Variants in ARMC2 observed in about 807,000 individuals in gnomAD.
The protein encoded by ARMC2 is armadillo repeat-containing protein 2.
A neutral mutation model predicts 90.3 loss-of-function variants in ARMC2; 67 were observed. The ratio of observed to expected loss-of-function variants is 0.74; its 90% CI spans 0.61 to 0.91. ARMC2 has a LOEUF of 0.91. Among genes scored for constraint, ARMC2 ranks in the 40% least tolerant of loss-of-function variants. ARMC2 has a pLI of 0.00. For synonymous variants in ARMC2, 393 were observed against 393.0 expected, an observed-to-expected ratio of 1.00 and a Z score of 0.00; for missense variants, 920 against 1,030.9, an observed-to-expected ratio of 0.89 and a Z score of 1.47.
the ARMC2 span, among the ~76,000 whole-genome samples, chr6:108,994,097 G>A: frequency 2.5e-4 from 35 of 138,466 alleles, no homozygotes; most frequent in Middle Eastern, 4.5e-3. Flanking sequence ...CTACAATCAC[G>A]CCACTGCACT....
At chr6:109,001,325 G>A in the ARMC2 span, 1 of 1,613,724 alleles carries the variant, frequency 6.2e-7, no homozygotes, top group Non-Finnish European at 8.5e-7. Context: ...TAGGGGTAAC[G>A]GCCCATCCAT....
chr6:108,913,765 A>G (rs1331948141), intron 10 of ARMC2, among the ~76,000 whole-genome samples: 2 of 152,126 alleles, frequency 1.3e-5, no homozygotes, highest in Non-Finnish European at 1.5e-5. Flanking sequence ...TTTGTTTGCT[A>G]TCATTCTCTT....
chr6:108,874,552 G>T (rs1403946507), intron 4 of ARMC2, among the ~76,000 whole-genome samples: 2 of 152,178 alleles, frequency 1.3e-5, no homozygotes, highest in East Asian at 1.9e-4. Flanking sequence ...GGATTCTTGG[G>T]TTCCAATAAT....
the ARMC2 span, among the ~76,000 whole-genome samples, chr6:109,040,491 T>C: frequency 6.6e-6 from 1 of 152,262 alleles, no homozygotes; most frequent in African/African-American, 2.4e-5. Flanking sequence ...TCTCATTCCT[T>C]GTGTACATAC....
intron 3 of ARMC2, 68 bp from the exon 4 acceptor site, chr6:108,868,756 A>G (rs1307353694): frequency 2.0e-6 from 3 of 1,477,810 alleles, no homozygotes; most frequent in Admixed American, 2.0e-5. Context: ...GGTTGTGGCC[A>G]GCTCTGAGGT....
At chr6:108,856,845 C>G (rs1440889062) in intron 2 of ARMC2, 1 of 152,212 alleles carries the variant, frequency 6.6e-6, no homozygotes, top group Non-Finnish European at 1.5e-5. Context: ...CATTGTATTG[C>G]CTTTGCTCCT....
At chr6:109,021,442 C>G in the ARMC2 span, among the ~76,000 whole-genome samples, 1 of 152,024 alleles carries the variant, frequency 6.6e-6, no homozygotes, top group Non-Finnish European at 1.5e-5. Context: ...ATTTATCAGT[C>G]ATATCTTGCC....
intron 13 of ARMC2, among the ~76,000 whole-genome samples, chr6:108,955,622 T>C (rs988747336): frequency 1.3e-5 from 2 of 152,206 alleles, no homozygotes; most frequent in African/African-American, 4.8e-5. Flanking sequence ...GATTGGGATC[T>C]GCACCATGAC....
chr6:108,932,775 G>A (rs751008235), intron 11 of ARMC2, among the ~76,000 whole-genome samples: 31 of 151,912 alleles, frequency 2.0e-4, no homozygotes, highest in Admixed American at 1.5e-3. Context: ...TGATCTGCCC[G>A]CCTCGGCCTC....
chr6:108,946,729 T>TA (rs1252986581), intron 12 of ARMC2, among the ~76,000 whole-genome samples: 1 of 152,236 alleles, frequency 6.6e-6, no homozygotes, highest in Admixed American at 6.5e-5. Context: ...AACCCATTCT[T>TA]ACAAATTTTT....
chr6:108,942,211 A>G (rs968344191), intron 12 of ARMC2, among the ~76,000 whole-genome samples: 4 of 152,220 alleles, frequency 2.6e-5, no homozygotes, highest in African/African-American at 9.6e-5. Flanking sequence ...GAGTGTGTGA[A>G]ATGCTTTGGC....
chr6:108,973,336 A>AT (rs775138881), intron 17 of ARMC2, 21 bp from the exon 18 acceptor site: 2 of 1,590,642 alleles, frequency 1.3e-6, no homozygotes, highest in Admixed American at 1.8e-5. Context: ...TAATGCTGTA[A>AT]TTTAAATTTT....
the ARMC2 span, among the ~76,000 whole-genome samples, chr6:108,995,217 A>G: frequency 6.6e-6 from 1 of 152,214 alleles, no homozygotes; most frequent in Non-Finnish European, 1.5e-5. Context: ...CTACTTGTCA[A>G]TTTAAAGCAG....
the ARMC2 span, among the ~76,000 whole-genome samples, chr6:109,014,280 T>C: frequency 2.0e-5 from 3 of 152,202 alleles, no homozygotes; most frequent in African/African-American, 7.2e-5. Flanking sequence ...AGGCTGATAA[T>C]AATAAGACCA....
At chr6:108,907,583 G>GT (rs1772904843) in intron 8 of ARMC2, 3 of 1,527,770 alleles carry the variant, frequency 2.0e-6, no homozygotes, top group Non-Finnish European at 2.7e-6. Context: ...AGGTCGTGGG[G>GT]TGGGGGGGTG....
chr6:108,876,357 ATTC>A lies in ARMC2; in HGVS notation c.671+10_671+12del. On this transcript the variant is annotated splice_region_variant and intron_variant, in intron 5 of 17. Transcript: ENST00000392644. ...CTCATCTCAAGAATGGAGGGTCAGT[ATTC>A]TTTTTATTTAATTTTCTGGTCAGGA... 1 of 1,604,222 alleles carries A rather than the reference ATTC, an allele frequency of 6.2e-7. No individual in the cohort carries two copies. The highest frequency in any genetic ancestry group is 8.5e-7 in the Non-Finnish European group (1 of 1,174,554).
At chr6:108,916,280 G>A (rs1951358) in intron 10 of ARMC2, among the ~76,000 whole-genome samples, 27,227 of 152,210 alleles carry the variant, frequency 0.18, 2,530 homozygotes, top group Middle Eastern at 0.22. Context: ...AGAGCTGTCA[G>A]TAGGCACCTA....
the ARMC2 span, chr6:109,002,371 G>A: frequency 1.3e-6 from 2 of 1,585,690 alleles, no homozygotes; most frequent in Non-Finnish European, 1.7e-6. Context: ...ACCATCTCAG[G>A]CCTTTGGCAG....
At chr6:108,936,102 C>A (rs561073012) in intron 11 of ARMC2, among the ~76,000 whole-genome samples, 30 of 152,234 alleles carry the variant, frequency 2.0e-4, no homozygotes, top group African/African-American at 6.7e-4. Flanking sequence ...TGTTTGCTTG[C>A]TTGCTTACTT....
Sources: allele counts gnomAD v4.1 joint callset (sites outside exome capture counted in the v4.1 genomes callset), GRCh38; gene constraint gnomAD v4.1.1; transcripts MANE v1.5; gene names NCBI Gene and HGNC (gene_info 2026-07-23, HGNC 2026-07-21).